Variants in PHF14 observed in about 807,000 individuals in gnomAD.
PHF14 encodes PHD finger protein 14.
Under a neutral mutation model 117.9 loss-of-function variants are expected in PHF14, and 55 were observed. The ratio of observed to expected loss-of-function variants is 0.47; its 90% CI spans 0.38 to 0.58. The LOEUF (loss-of-function observed/expected upper bound fraction) is 0.58. Among genes scored for constraint, PHF14 ranks in the 20% least tolerant of loss-of-function variants. The pLI is 0.00. For missense variants in PHF14, 978 were observed against 1,122.2 expected, an observed-to-expected ratio of 0.87 and a Z score of 1.84; for synonymous variants, 409 against 368.6, an observed-to-expected ratio of 1.11 and a Z score of -1.26.
chr7:11,074,787 A>G (rs567066557), intron 16 of PHF14, among the ~76,000 whole-genome samples: 20 of 152,188 alleles, frequency 1.3e-4, no homozygotes, highest in African/African-American at 3.9e-4. Flanking sequence ...TTTGGTGTCA[A>G]TTGCTATCAG....
chr7:11,025,598 C>T (rs1583382734), intron 6 of PHF14, among the ~76,000 whole-genome samples: 1 of 151,050 alleles, frequency 6.6e-6, no homozygotes, highest in African/African-American at 2.4e-5. Flanking sequence ...TCAAGACCAT[C>T]CCGGGTAACA....
intron 16 of PHF14, chr7:11,105,750 G>C (rs901195762): frequency 1.4e-5 from 14 of 984,804 alleles, no homozygotes; most frequent in Non-Finnish European, 1.7e-5. Context: ...AAGGCTTTCT[G>C]TAGGCCTGCC....
chr7:10,998,004 T>G (rs6943346), intron 4 of PHF14, among the ~76,000 whole-genome samples: 3,376 of 152,240 alleles, frequency 0.022, 114 homozygotes, highest in African/African-American at 0.077. Context: ...CTACCACATG[T>G]GCAGAGATTA....
intron 3 of PHF14, among the ~76,000 whole-genome samples, chr7:10,984,808 C>A (rs1367236003): frequency 2.6e-5 from 4 of 152,102 alleles, no homozygotes; most frequent in African/African-American, 9.7e-5. Flanking sequence ...ATTTAAAGTC[C>A]ATGTGTTGGT....
intron 4 of PHF14, among the ~76,000 whole-genome samples, chr7:11,004,455 A>G (rs911966538): frequency 1.3e-5 from 2 of 149,672 alleles, no homozygotes; most frequent in African/African-American, 2.5e-5. Context: ...GTATACCTCT[A>G]TTGTCACTAT....
At chr7:10,976,246 CTG>C (rs1327060703) in intron 2 of PHF14, among the ~76,000 whole-genome samples, 1 of 152,134 alleles carries the variant, frequency 6.6e-6, no homozygotes, top group Admixed American at 6.5e-5. Flanking sequence ...TCTTGATTAA[CTG>C]TTTTTTTATC....
At chr7:10,979,023 C>T (rs1247480257) in intron 2 of PHF14, among the ~76,000 whole-genome samples, 1 of 152,018 alleles carries the variant, frequency 6.6e-6, no homozygotes, top group Non-Finnish European at 1.5e-5. Flanking sequence ...ATAGTACTAA[C>T]ACTGTTGTAC....
chr7:11,106,515 C>G, intron 16 of PHF14: 1 of 954,684 alleles, frequency 1.0e-6, no homozygotes, highest in Non-Finnish European at 1.2e-6. Context: ...AATGTTATTC[C>G]GTATTGGTAG....
intron 16 of PHF14, among the ~76,000 whole-genome samples, chr7:11,110,816 A>T (rs1018021009): frequency 6.6e-6 from 1 of 152,042 alleles, no homozygotes; most frequent in Non-Finnish European, 1.5e-5. Flanking sequence ...TTCACTTACA[A>T]TCTACTTTAA....
At chr7:10,975,179 G>A (rs1297593153) in intron 2 of PHF14, among the ~76,000 whole-genome samples, 1 of 152,144 alleles carries the variant, frequency 6.6e-6, no homozygotes, top group Admixed American at 6.5e-5. Flanking sequence ...TTCCAAAGAT[G>A]CAAAAGGATT....
At position 10,974,340 on chromosome 7, in the gene PHF14, G is replaced by C; in HGVS notation, c.1+16G>C. ...GGATTCCTTAGTAAGTGTATCCGAG[G>C]CCTCTGCGGCGAGAGGTCCATTTCA... On this transcript the variant is annotated intron_variant, in intron 1 of 17. Transcript: ENST00000634607. 3 of 1,587,002 alleles carry C rather than the reference G, an allele frequency of 1.9e-6. No homozygotes were observed. The South Asian group carries it at 3.4e-5, about 18-fold the overall frequency.
At chr7:11,120,657 A>G (rs1483801007) in intron 17 of PHF14, among the ~76,000 whole-genome samples, 1 of 151,974 alleles carries the variant, frequency 6.6e-6, no homozygotes, top group Non-Finnish European at 1.5e-5. Flanking sequence ...ATCCTATCAG[A>G]TTTTCTAAAT....
chr7:11,054,694 G>A (rs1206040119), intron 14 of PHF14, among the ~76,000 whole-genome samples: 1 of 151,970 alleles, frequency 6.6e-6, no homozygotes, highest in Non-Finnish European at 1.5e-5. Context: ...TTACTAACTT[G>A]TATAAATACC....
In PHF14 at chr7:10,982,510, C is replaced by T; in HGVS notation, c.251C>T (p.Ser84Phe). 2 of 1,550,156 alleles carry T rather than the reference C, an allele frequency of 1.3e-6. No homozygotes were observed. Among genetic ancestry groups the T allele is most frequent in the African/African-American group, 1.4e-5 (1 of 72,746 alleles). Residue 84 changes from serine (S) to phenylalanine (F), a missense_variant, in exon 3 of 18, where the codon TCT becomes TTT. Transcript: ENST00000634607. The part of the protein sequence containing the change: ...IKVKEEQLKN[S>F]AEEEVLSSEK... The stretch of plus-strand genomic sequence containing the variant: ...GTAAAAGAAGAACAACTTAAAAATT[C>T]TGCAGAGGAAGAAGTACTATCATCA...
intron 16 of PHF14, among the ~76,000 whole-genome samples, chr7:11,080,798 A>G (rs922322974): frequency 3.3e-5 from 5 of 152,216 alleles, no homozygotes; most frequent in Non-Finnish European, 7.4e-5. Context: ...TAATGAGCAA[A>G]TGCATTAGAG....
chr7:11,027,451 A>G lies in PHF14; in HGVS notation c.1318-1230A>G, dbSNP rs544999161. Among the ~76,000 whole-genome samples the G allele has an allele frequency of 5.5e-4, 83 of 152,234 alleles. 1 individual carries two copies. Among genetic ancestry groups the G allele is most frequent in the Non-Finnish European group, 9.3e-4 (63 of 67,980 alleles). ...GTCCATTGTCAGTCTTTCATAATTTAACATCTTTTTCTTTTATGAAGATTT... is the reference window on the plus strand; with the variant it reads ...GTCCATTGTCAGTCTTTCATAATTTGACATCTTTTTCTTTTATGAAGATTT... On this transcript the variant is annotated intron_variant, in intron 6 of 17. Coordinates refer to ENST00000634607, the MANE Select transcript of PHF14 (RefSeq NM_001007157.2).
intron 4 of PHF14, among the ~76,000 whole-genome samples, chr7:11,010,401 T>A (rs1442598833): frequency 1.3e-5 from 2 of 152,100 alleles, no homozygotes; most frequent in Non-Finnish European, 2.9e-5. Context: ...TAATGAGTTT[T>A]GATTCCTTTG....
At chr7:11,028,586 G>T in intron 6 of PHF14, 95 bp from the exon 7 acceptor site, 1 of 1,092,996 alleles carries the variant, frequency 9.1e-7, no homozygotes, top group Non-Finnish European at 1.4e-6. Context: ...TTTGTATTTA[G>T]CATTTTAAAT....
At chr7:10,995,482 T>G (rs111807867) in intron 4 of PHF14, among the ~76,000 whole-genome samples, 1 of 152,230 alleles carries the variant, frequency 6.6e-6, no homozygotes, top group Non-Finnish European at 1.5e-5. Flanking sequence ...GGAGCCTAGC[T>G]GGCTTCACCC....
Sources: gnomAD v4.1 joint callset for allele counts (sites outside exome capture counted in the v4.1 genomes callset) on GRCh38, gnomAD v4.1.1 for gene constraint, MANE v1.5 for transcripts, NCBI Gene and HGNC (gene_info 2026-07-23, HGNC 2026-07-21) for gene names.